Variants in GALNT13 observed in about 807,000 individuals in gnomAD.
GALNT13 encodes the protein UDP-GalNAc:polypeptide N-acetylgalactosaminyltransferase 13.
In GALNT13, 28 loss-of-function variants were observed where a neutral mutation model predicts 64.2. That is an observed-to-expected ratio of 0.44 (90% CI 0.32 to 0.60). GALNT13 has a LOEUF of 0.60. Among genes scored for constraint, GALNT13 ranks in the 20% least tolerant of loss-of-function variants. The pLI, the probability that GALNT13 is intolerant of heterozygous loss-of-function variation, is 0.05. For missense variants in GALNT13, 577 were observed against 669.8 expected, an observed-to-expected ratio of 0.86 and a Z score of 1.53; for synonymous variants, 214 against 224.6, an observed-to-expected ratio of 0.95 and a Z score of 0.42.
the GALNT13 span, among the ~76,000 whole-genome samples, chr2:153,749,048 A>C: frequency 2.0e-5 from 3 of 151,930 alleles, no homozygotes; most frequent in African/African-American, 4.8e-5. Flanking sequence ...TCTACATATG[A>C]ATATCCAGTT....
chr2:153,809,683 A>G, the GALNT13 span, among the ~76,000 whole-genome samples: 2 of 152,182 alleles, frequency 1.3e-5, no homozygotes, highest in Non-Finnish European at 2.9e-5. Context: ...CATAATTTGG[A>G]TCATTTTAGA....
intron 3 of GALNT13, among the ~76,000 whole-genome samples, chr2:154,035,952 C>G (rs1029692503): frequency 6.6e-5 from 10 of 151,872 alleles, no homozygotes; most frequent in Admixed American, 4.6e-4. Context: ...AGACTTATAT[C>G]TTTTAGAAAG....
At chr2:153,321,641 T>TAAGA in the GALNT13 span, among the ~76,000 whole-genome samples, 1 of 152,116 alleles carries the variant, frequency 6.6e-6, no homozygotes, top group African/African-American at 2.4e-5. Flanking sequence ...CCAAAAAGGT[T>TAAGA]AAGAAAGAAA....
intron 3 of GALNT13, among the ~76,000 whole-genome samples, chr2:154,120,430 G>C (rs1215924686): frequency 6.6e-6 from 1 of 152,200 alleles, no homozygotes; most frequent in Non-Finnish European, 1.5e-5. Flanking sequence ...ATGCTCATTA[G>C]AACTGGAAGA....
chr2:154,358,805 T>G (rs2105278714), intron 9 of GALNT13, among the ~76,000 whole-genome samples: 1 of 152,246 alleles, frequency 6.6e-6, no homozygotes, highest in Middle Eastern at 3.4e-3. Context: ...TCTCTAGCTC[T>G]TTATGAGAAG....
At chr2:154,233,052 A>AAAAAAG (rs1477938938) in intron 4 of GALNT13, among the ~76,000 whole-genome samples, 1 of 151,308 alleles carries the variant, frequency 6.6e-6, no homozygotes, top group Non-Finnish European at 1.5e-5. Flanking sequence ...AAAAAAAAAA[A>AAAAAAG]AAAAAGAAAA....
chr2:154,354,405 CTTTTTTTTTTTTTTTTTTTTTTT>C (rs546187850), intron 9 of GALNT13, among the ~76,000 whole-genome samples: 10 of 60,360 alleles, frequency 1.7e-4, no homozygotes, highest in African/African-American at 6.9e-4. Context: ...TGATGTAGTC[CTTTTTTTTTTTTTTTTTTTTTTT>C]TTTTTTTTTT....
chr2:153,837,720 C>T, the GALNT13 span, among the ~76,000 whole-genome samples: 6 of 152,034 alleles, frequency 3.9e-5, no homozygotes, highest in Non-Finnish European at 8.8e-5. Context: ...AATAATGCTG[C>T]AATGCACGTG....
chr2:153,656,317 A>AGTGTGTGTGTGTGTGT, the GALNT13 span, among the ~76,000 whole-genome samples: 379 of 149,472 alleles, frequency 2.5e-3, 1 homozygote, highest in East Asian at 0.011. Context: ...GACTTAAAGA[A>AGTGTGTGTGTGTGTGT]GTGTGTGTGT....
the GALNT13 span, among the ~76,000 whole-genome samples, chr2:153,150,784 GAT>G: frequency 6.6e-6 from 1 of 152,068 alleles, no homozygotes; most frequent in Admixed American, 6.6e-5. Context: ...GATGGTTGTA[GAT>G]ATGCGGCATT....
At chr2:153,533,924 A>C in the GALNT13 span, among the ~76,000 whole-genome samples, 1 of 149,780 alleles carries the variant, frequency 6.7e-6, no homozygotes, top group Non-Finnish European at 1.5e-5. Flanking sequence ...TTTTCTGGAG[A>C]ACGGGGTCTT....
At chr2:153,231,706 C>G in the GALNT13 span, among the ~76,000 whole-genome samples, 4 of 151,980 alleles carry the variant, frequency 2.6e-5, no homozygotes, top group African/African-American at 9.7e-5. Context: ...AACCACAGAG[C>G]TGGTTCATAA....
At chr2:153,808,907 T>A in the GALNT13 span, among the ~76,000 whole-genome samples, 1 of 152,202 alleles carries the variant, frequency 6.6e-6, no homozygotes, top group African/African-American at 2.4e-5. Flanking sequence ...AACTCATAAT[T>A]CTGCTTATTC....
At chr2:153,901,135 G>A (rs936570775) in intron 2 of GALNT13, 128 bp downstream of exon 2, 4 of 152,132 alleles carry the variant, frequency 2.6e-5, no homozygotes, top group African/African-American at 9.7e-5. Context: ...TAAGAAGGTT[G>A]TATGTGTGCA....
the GALNT13 span, among the ~76,000 whole-genome samples, chr2:153,588,413 AG>A: frequency 1.3e-5 from 2 of 152,348 alleles, no homozygotes; most frequent in Non-Finnish European, 2.9e-5. Flanking sequence ...TCTGAAATCC[AG>A]CAGAGATTCC....
At chr2:153,756,656 C>CT in the GALNT13 span, among the ~76,000 whole-genome samples, 1 of 151,844 alleles carries the variant, frequency 6.6e-6, no homozygotes, top group Non-Finnish European at 1.5e-5. Context: ...AAACATTTTT[C>CT]TTTTTTTTGT....
At chr2:153,478,206 G>A in the GALNT13 span, 1 of 1,574,402 alleles carries the variant, frequency 6.4e-7, no homozygotes, top group South Asian at 1.2e-5. Context: ...GGCAGGCGTG[G>A]GAGCGGTTGC....
the GALNT13 span, among the ~76,000 whole-genome samples, chr2:153,750,536 T>A: frequency 4.0e-5 from 6 of 151,792 alleles, no homozygotes; most frequent in African/African-American, 1.4e-4. Flanking sequence ...GATTTTTTTT[T>A]ATGGTTCAGT....
At chr2:154,011,700 T>G (rs1696647681) in intron 3 of GALNT13, among the ~76,000 whole-genome samples, 1 of 152,208 alleles carries the variant, frequency 6.6e-6, no homozygotes, top group South Asian at 2.1e-4. Context: ...TGTGGTTATC[T>G]AAGTCTTTTG....
Sources: allele counts gnomAD v4.1 joint callset (sites outside exome capture counted in the v4.1 genomes callset), GRCh38; gene constraint gnomAD v4.1.1; transcripts MANE v1.5; gene names NCBI Gene and HGNC (gene_info 2026-07-23, HGNC 2026-07-21).